Variants in BMPER observed in about 807,000 individuals in gnomAD.
BMPER encodes the protein BMP-binding endothelial regulator protein.
Under a neutral mutation model 87.3 loss-of-function variants are expected in BMPER, and 45 were observed. That is an observed-to-expected ratio of 0.52 (90% CI 0.41 to 0.66). The LOEUF (loss-of-function observed/expected upper bound fraction) is 0.66. Among genes scored for constraint, BMPER ranks in the 30% least tolerant of loss-of-function variants. The pLI is 0.00. For synonymous variants in BMPER, 326 were observed against 316.2 expected (o/e 1.03, Z -0.33); for missense variants, 784 against 867.5 (o/e 0.90, Z 1.21).
chr7:34,125,047 G>A (rs1014580), intron 13 of BMPER, among the ~76,000 whole-genome samples: 4 of 151,554 alleles, frequency 2.6e-5, no homozygotes, highest in Non-Finnish European at 5.9e-5. Context: ...TCTAATATAC[G>A]GTTGAATTCT....
intron 2 of BMPER, among the ~76,000 whole-genome samples, chr7:33,935,126 T>A (rs1784572485): frequency 6.6e-6 from 1 of 152,018 alleles, no homozygotes; most frequent in Non-Finnish European, 1.5e-5. Context: ...TAAGAAAAAA[T>A]TATAAAAATA....
intron 6 of BMPER, among the ~76,000 whole-genome samples, chr7:33,996,214 C>T (rs1786407591): frequency 6.6e-6 from 1 of 152,078 alleles, no homozygotes; most frequent in Non-Finnish European, 1.5e-5. Context: ...CAGAGAGTCC[C>T]ACCCCCATTT....
intron 3 of BMPER, among the ~76,000 whole-genome samples, chr7:33,954,278 G>A (rs1487531349): frequency 6.6e-6 from 1 of 152,190 alleles, no homozygotes; most frequent in Non-Finnish European, 1.5e-5. Flanking sequence ...GGGATTAACA[G>A]CATGACCTCT....
chr7:33,970,719 C>G (rs1785522905), intron 5 of BMPER, among the ~76,000 whole-genome samples: 2 of 152,174 alleles, frequency 1.3e-5, no homozygotes, highest in Admixed American at 1.3e-4. Flanking sequence ...TCTCTGGCTT[C>G]CAGAGATGTC....
At chr7:34,114,976 T>C (rs1171292369) in intron 13 of BMPER, among the ~76,000 whole-genome samples, 1 of 152,242 alleles carries the variant, frequency 6.6e-6, no homozygotes, top group Non-Finnish European at 1.5e-5. Flanking sequence ...ATTTACTATG[T>C]GTTTTTAAAA....
At chr7:34,096,285 A>G (rs1397552410) in intron 13 of BMPER, among the ~76,000 whole-genome samples, 14 of 152,174 alleles carry the variant, frequency 9.2e-5, no homozygotes, top group African/African-American at 3.4e-4. Context: ...GTGAAACCAC[A>G]TGGGCAGGCA....
chr7:33,932,362 C>A (rs2128607698), intron 2 of BMPER, among the ~76,000 whole-genome samples: 1 of 152,298 alleles, frequency 6.6e-6, no homozygotes, highest in East Asian at 1.9e-4. Flanking sequence ...TTCACTCGGG[C>A]AGAAAAAAAT....
At chr7:33,988,655 T>A (rs1786088679) in intron 6 of BMPER, among the ~76,000 whole-genome samples, 1 of 152,102 alleles carries the variant, frequency 6.6e-6, no homozygotes, top group Admixed American at 6.5e-5. Flanking sequence ...AGGGTACACG[T>A]GCACATTGTG....
chr7:33,966,893 C>A (rs1785419862), intron 4 of BMPER, among the ~76,000 whole-genome samples: 2 of 152,184 alleles, frequency 1.3e-5, no homozygotes, highest in African/African-American at 4.8e-5. Context: ...ACATGAATTC[C>A]TCTTAGCAGA....
chr7:34,012,423 T>C (rs534464483), intron 6 of BMPER, among the ~76,000 whole-genome samples: 2 of 152,066 alleles, frequency 1.3e-5, no homozygotes, highest in South Asian at 4.1e-4. Flanking sequence ...TAGGTCTTAG[T>C]TAAGGAAACT....
chr7:34,129,630 G>GAGAAAGAGAGAAAGAA lies in BMPER; in HGVS notation c.1746-13593_1746-13592insGAGAAAGAAAGAAAGA, dbSNP rs1790515715. On this transcript the variant is annotated intron_variant, in intron 13 of 14. Coordinates refer to ENST00000649409, the MANE Select transcript of BMPER (RefSeq NM_001365308.1). The stretch of plus-strand genomic sequence containing the variant: ...AGAGAAAGAGAGAGAGAGAGAAAGA[G>GAGAAAGAGAGAAAGAA]AGAAAGAAAGAAAGAAAGAAAGAAA... Among the ~76,000 whole-genome samples, 335 of 56,312 alleles carry GAGAAAGAGAGAAAGAA rather than the reference G, an allele frequency of 5.9e-3. 3 individuals are homozygous for GAGAAAGAGAGAAAGAA. Among genetic ancestry groups the GAGAAAGAGAGAAAGAA allele is most frequent in the African/African-American group, 0.021 (307 of 14,496 alleles). The allele number at this position is 56,312 out of a possible 152,430, so 36.9% of individuals were successfully genotyped here. A position where few individuals can be genotyped will look rare whatever the true frequency, so the allele number is the denominator to read the frequency against.
At chr7:33,922,073 A>C in intron 2 of BMPER, 1 of 317,448 alleles carries the variant, frequency 3.2e-6, no homozygotes, top group South Asian at 2.5e-5. Context: ...TTCTGCCCAC[A>C]CCTTTCTTTC....
chr7:33,970,229 T>A (rs955079315), intron 4 of BMPER, 100 bp from the exon 5 acceptor site: 1 of 1,226,742 alleles, frequency 8.2e-7, no homozygotes. Flanking sequence ...AACCTTGTGG[T>A]TTTTGTGCTT....
At chr7:34,008,094 A>G (rs1204324509) in intron 6 of BMPER, among the ~76,000 whole-genome samples, 8 of 152,180 alleles carry the variant, frequency 5.3e-5, no homozygotes, top group African/African-American at 1.7e-4. Flanking sequence ...ATCAAATTTA[A>G]GAAGAAATTG....
chr7:34,103,863 G>T (rs1789749630), intron 13 of BMPER, among the ~76,000 whole-genome samples: 1 of 152,158 alleles, frequency 6.6e-6, no homozygotes, highest in Non-Finnish European at 1.5e-5. Flanking sequence ...CACCCTGGAG[G>T]TGCAAGGGCC....
intron 2 of BMPER, among the ~76,000 whole-genome samples, chr7:33,917,193 C>A (rs953842266): frequency 6.6e-6 from 1 of 152,100 alleles, no homozygotes; most frequent in African/African-American, 2.4e-5. Flanking sequence ...AAATGTCTCC[C>A]GATCCCTGGA....
chr7:34,135,862 C>A (rs1790704599), intron 13 of BMPER, among the ~76,000 whole-genome samples: 1 of 152,102 alleles, frequency 6.6e-6, no homozygotes, highest in African/African-American at 2.4e-5. Flanking sequence ...AACAATTTAA[C>A]TTGAGTATAG....
At chr7:34,125,009 C>A (rs190509676) in intron 13 of BMPER, among the ~76,000 whole-genome samples, 1 of 151,502 alleles carries the variant, frequency 6.6e-6, no homozygotes, top group Non-Finnish European at 1.5e-5. Context: ...AAAAAAAAAC[C>A]CAGTATTTGG....
intron 13 of BMPER, among the ~76,000 whole-genome samples, chr7:34,141,209 CCA>C (rs1790857780): frequency 7.2e-6 from 1 of 139,452 alleles, no homozygotes; most frequent in Admixed American, 7.7e-5. Context: ...CTTTGGAATT[CCA>C]GAGTCTCTAC....
Sources: gnomAD v4.1 joint callset for allele counts (sites outside exome capture counted in the v4.1 genomes callset) on GRCh38, gnomAD v4.1.1 for gene constraint, MANE v1.5 for transcripts, NCBI Gene and HGNC (gene_info 2026-07-23, HGNC 2026-07-21) for gene names.